FABP5: variants seen among roughly 807,000 people sequenced by gnomAD.
FABP5 encodes the protein fatty acid binding protein 5, also known as fatty acid-binding protein 5.
A neutral mutation model predicts 16.9 loss-of-function variants in FABP5; 7 were observed. That is an observed-to-expected ratio of 0.41 (90% confidence interval 0.24 to 0.78). The LOEUF is 0.78. Ranked by LOEUF, FABP5 falls within the 30% of genes least tolerant of loss-of-function variation. FABP5 has a pLI of 0.30. For synonymous variants in FABP5, 37 were observed against 52.8 expected (o/e 0.70, Z 1.30); for missense variants, 119 against 159.5 (o/e 0.75, Z 1.37).
In FABP5 at chr8:81,284,664, A is replaced by G; in HGVS notation, c.*97A>G. On this transcript the variant is annotated 3_prime_UTR_variant, in exon 4 of 4. Coordinates refer to ENST00000297258, the MANE Select transcript of FABP5 (RefSeq NM_001444.3). The stretch of plus-strand genomic sequence containing the variant: ...ATACTGTTTCTTTCTTTTTTTTTTC[A>G]TTACTGTGTTCAATTATCTTTATCA... The G allele has an allele frequency of 1.5e-6, 1 of 647,768 alleles. No individual in the cohort carries two copies. The highest frequency in any genetic ancestry group is 2.7e-6 in the Non-Finnish European group (1 of 373,142). The allele number at this position is 647,768 out of a possible 1,614,324, so 40.1% of individuals were successfully genotyped here. A position where few individuals can be genotyped will look rare whatever the true frequency, so the allele number is the denominator to read the frequency against.
At position 81,282,250 on chromosome 8, in the gene FABP5, G is replaced by T. The variant is rs545392963; in HGVS notation, c.80-1116G>T. On this transcript the variant is annotated intron_variant, in intron 1 of 3. Transcript: ENST00000297258. ...TTTCTCTGCCTGTAGAAAGCAAATT[G>T]TGTGTAGGTTTGGAGGGCTTGTTTC... Among the ~76,000 whole-genome samples, 27 of 152,052 alleles carry T rather than the reference G, an allele frequency of 1.8e-4. 1 individual carries two copies. In the East Asian group the frequency reaches 3.9e-3, roughly 22 times the overall value.
rs998910190 is a variant in FABP5, at chr8:81,283,230, T to C, written c.80-136T>C. The C allele has an allele frequency of 2.7e-5, 19 of 714,440 alleles. No homozygotes were observed. The African/African-American group carries it at 2.9e-4, about 11-fold the overall frequency. The allele number at this position is 714,440 out of a possible 1,614,324, so 44.3% of individuals were successfully genotyped here. ...AAGTGCTGGCTCATACCGTGGGATATATGTTTACAATAGTTATCAATAAGC... is the reference window on the plus strand; with the variant it reads ...AAGTGCTGGCTCATACCGTGGGATACATGTTTACAATAGTTATCAATAAGC... On this transcript the variant is annotated intron_variant, in intron 1 of 3. Transcript: ENST00000297258.
rs773101641 is a variant in FABP5, at chr8:81,284,499, C to CT, written c.355-12dup. On this transcript the variant is annotated splice_polypyrimidine_tract_variant and intron_variant, in intron 3 of 3. Coordinates refer to ENST00000297258, the MANE Select transcript of FABP5 (RefSeq NM_001444.3). ...AAGGCTAACCTAACTCTTTTAATAT[C>CT]TTTCCTTCTTCTAGGAGTGTGTCAT... 15 of 1,584,704 alleles carry CT rather than the reference C, an allele frequency of 9.5e-6. No individual in the cohort carries two copies. The highest frequency in any genetic ancestry group is 1.3e-5 in the Non-Finnish European group (15 of 1,154,774).
chr8:81,283,128 C>T, intron 1 of FABP5: 1 of 367,732 alleles, frequency 2.7e-6, no homozygotes, highest in African/African-American at 2.1e-5. Flanking sequence ...GCCTCGCTTT[C>T]TCATCAGTAA....
At chr8:81,284,104 C>A in intron 3 of FABP5, 130 bp downstream of exon 3, 1 of 660,630 alleles carries the variant, frequency 1.5e-6, no homozygotes, top group Non-Finnish European at 2.6e-6. Flanking sequence ...AAGTTAAATA[C>A]TAGAACACTA....
Position 81,281,652 on chromosome 8 carries a change from G to C in FABP5, c.79+978G>C. The C allele has an allele frequency of 5.1e-6, 5 of 985,440 alleles. No individual in the cohort carries two copies. The highest frequency in any genetic ancestry group is 6.0e-6 in the Non-Finnish European group (5 of 829,916). 61.0% of individuals were successfully genotyped at this position (985,440 alleles called of 1,614,324 possible). On this transcript the variant is annotated intron_variant, in intron 1 of 3. Coordinates refer to ENST00000297258, the MANE Select transcript of FABP5 (RefSeq NM_001444.3). The surrounding 1 kb of genome is among the most constrained non-coding windows in gnomAD (Gnocchi z 4.5). ...GGCAGATGACTTCTTGAAGCGTTCC[G>C]AGGGAGAATGAATCTCAGTAGTAAG...
chr8:81,284,071 G>A, intron 3 of FABP5, 97 bp downstream of exon 3: 1 of 957,702 alleles, frequency 1.0e-6, no homozygotes, highest in Admixed American at 2.6e-5. Context: ...AACTCAGTTT[G>A]GAAGAAAAAA....
At chr8:81,283,596 T>C in intron 2 of FABP5, 58 bp downstream of exon 2, 1 of 1,497,590 alleles carries the variant, frequency 6.7e-7, no homozygotes, top group Non-Finnish European at 9.0e-7. Flanking sequence ...GCTGTATCAA[T>C]AACATTTTAC....
chr8:81,282,106 G>A (rs1451038412), intron 1 of FABP5, among the ~76,000 whole-genome samples: 3 of 151,620 alleles, frequency 2.0e-5, no homozygotes, highest in Non-Finnish European at 4.4e-5. Context: ...CTTTTTCCTT[G>A]TAAACCTACA....
Position 81,280,536 on chromosome 8 carries a change from A to C in FABP5, c.-60A>C. ...AGCAGCCGCCGGCGCCGGGTGCCTC[A>C]CAGCACGCTGCCACGCCGACGCAGA... On this transcript the variant is annotated 5_prime_UTR_variant, in exon 1 of 4. Transcript: ENST00000297258. 3 of 1,527,590 alleles carry C rather than the reference A, an allele frequency of 2.0e-6. No individual in the cohort carries two copies. Among genetic ancestry groups the C allele is most frequent in the Non-Finnish European group, 2.6e-6 (3 of 1,134,682 alleles). The allele number at this position is 1,527,590 out of a possible 1,614,324, so 94.6% of individuals were successfully genotyped here.
chr8:81,281,348 C>T lies in FABP5; in HGVS notation c.79+674C>T, dbSNP rs771808390. ...TCGCCCTTACCAGTTGAGCCGAACC[C>T]TTTGGATTGGTACCCCATGGAACAC... is the stretch of plus-strand genomic sequence containing the variant. On this transcript the variant is annotated intron_variant, in intron 1 of 3. Coordinates refer to ENST00000297258, the MANE Select transcript of FABP5 (RefSeq NM_001444.3). The surrounding 1 kb of genome is among the most constrained non-coding windows in gnomAD (Gnocchi z 4.5). 2.0e-5 allele frequency: 20 copies of T among 985,486 alleles called. No individual in the cohort carries two copies. Among genetic ancestry groups the T allele is most frequent in the Non-Finnish European group, 2.4e-5 (20 of 830,090 alleles). 61.0% of individuals were successfully genotyped at this position (985,486 alleles called of 1,614,324 possible).
At position 81,280,557 on chromosome 8, in the gene FABP5, G is replaced by T. The variant is rs900768926; in HGVS notation, c.-39G>T. 1.4e-5 allele frequency: 22 copies of T among 1,543,082 alleles called. No homozygotes were observed. Among genetic ancestry groups the T allele is most frequent in the Non-Finnish European group, 1.9e-5 (22 of 1,142,794 alleles). ...CCTCACAGCACGCTGCCACGCCGAC[G>T]CAGACCCCTCTCTGCACGCCAGCCC... On this transcript the variant is annotated 5_prime_UTR_variant, in exon 1 of 4. Transcript: ENST00000297258.
At position 81,281,832 on chromosome 8, in the gene FABP5, ATGGATCCTCTC is replaced by A. The variant is rs1179130692; in HGVS notation, c.79+1163_79+1173del. 6 of 263,492 alleles carry A rather than the reference ATGGATCCTCTC, an allele frequency of 2.3e-5. No individual in the cohort carries two copies. In the East Asian group the frequency reaches 8.9e-4, roughly 39 times the overall value. 16.3% of individuals were successfully genotyped at this position (263,492 alleles called of 1,614,324 possible). A position where few individuals can be genotyped will look rare whatever the true frequency, so the allele number is the denominator to read the frequency against. On this transcript the variant is annotated intron_variant, in intron 1 of 3. Coordinates refer to ENST00000297258, the MANE Select transcript of FABP5 (RefSeq NM_001444.3). This position sits in a 1 kb window ranked among gnomAD's most constrained non-coding sequence, Gnocchi z 4.5. ...GGAAGTGAGATGGAGTTAGCATAGC[ATGGATCCTCTC>A]TGGAAGGGAGCTTCCAGCCCTAAGG...
intron 1 of FABP5, 104 bp downstream of exon 1, chr8:81,280,778 C>A: frequency 9.3e-7 from 1 of 1,071,808 alleles, no homozygotes; most frequent in South Asian, 1.4e-5. Context: ...AGATGCTCGG[C>A]GGCCTACCCC....
intron 2 of FABP5, 133 bp downstream of exon 2, chr8:81,283,671 AG>A (rs1807869302): frequency 9.1e-7 from 1 of 1,099,098 alleles, no homozygotes; most frequent in East Asian, 2.6e-5. Context: ...AATTAGCAAA[AG>A]TATCAACTTC....
intron 3 of FABP5, 99 bp from the exon 4 acceptor site, chr8:81,284,415 T>A (rs1172202396): frequency 6.5e-6 from 5 of 764,074 alleles, no homozygotes. Context: ...TGAAGTAGAT[T>A]ACGTGATTTC....
chr8:81,284,185 G>T, intron 3 of FABP5: 1 of 548,264 alleles, frequency 1.8e-6, no homozygotes, highest in Non-Finnish European at 3.2e-6. Context: ...GGAGTTGGGG[G>T]GAGTTCTTGC....
chr8:81,283,581 G>C, intron 2 of FABP5, 43 bp downstream of exon 2: 1 of 1,548,516 alleles, frequency 6.5e-7, no homozygotes, highest in East Asian at 2.3e-5. Flanking sequence ...CTTCTAGAAT[G>C]ATAGGCTGTA....
chr8:81,280,977 C>T (rs963845941), intron 1 of FABP5: 3 of 360,062 alleles, frequency 8.3e-6, no homozygotes, highest in Non-Finnish European at 1.0e-5. Flanking sequence ...GCAGCCCTTC[C>T]GCATTGCTTC....
Sources: allele counts gnomAD v4.1 joint callset (sites outside exome capture counted in the v4.1 genomes callset), GRCh38; gene constraint gnomAD v4.1.1; non-coding constraint Gnocchi (gnomAD v3.1); transcripts MANE v1.5; gene names NCBI Gene and HGNC (gene_info 2026-07-23, HGNC 2026-07-21).